TRPM3: variants seen among roughly 807,000 people sequenced by gnomAD.
TRPM3 encodes transient receptor potential cation channel subfamily M member 3.
Under a neutral mutation model 181.2 loss-of-function variants are expected in TRPM3, and 77 were observed. The ratio of observed to expected loss-of-function variants is 0.42; its 90% CI spans 0.35 to 0.51. The LOEUF is 0.51. Among genes scored for constraint, TRPM3 ranks in the 20% least tolerant of loss-of-function variants. The probability of loss-of-function intolerance (pLI) is 0.01; values close to 1 mark genes in which losing one functional copy is unlikely to be tolerated. For missense variants in TRPM3, 1,759 were observed against 2,196.7 expected (o/e 0.80, Z 3.98); for synonymous variants, 745 against 796.4 (o/e 0.94, Z 1.09).
chr9:71,209,161 C>T (rs1375771223), intron 1 of TRPM3, among the ~76,000 whole-genome samples: 1 of 152,046 alleles, frequency 6.6e-6, no homozygotes, highest in Non-Finnish European at 1.5e-5. Flanking sequence ...GCTAAAAGTG[C>T]TTGCTTTTTA....
At chr9:71,318,868 T>C (rs2088909715) in intron 1 of TRPM3, among the ~76,000 whole-genome samples, 2 of 152,078 alleles carry the variant, frequency 1.3e-5, no homozygotes, top group African/African-American at 4.8e-5. Context: ...TAACGAACAT[T>C]TGCATTGCCC....
chr9:70,981,320 A>G (rs2097361661), intron 1 of TRPM3, among the ~76,000 whole-genome samples: 1 of 152,252 alleles, frequency 6.6e-6, no homozygotes. Context: ...AGGCCTGCAG[A>G]AAATTTCCTA....
intron 1 of TRPM3, among the ~76,000 whole-genome samples, chr9:70,907,962 G>A (rs2096490127): frequency 6.6e-6 from 1 of 152,090 alleles, no homozygotes; most frequent in African/African-American, 2.4e-5. Context: ...CAACTGATGG[G>A]TACCTGGTTT....
intron 1 of TRPM3, among the ~76,000 whole-genome samples, chr9:71,412,751 T>C (rs570699428): frequency 3.3e-5 from 5 of 152,322 alleles, no homozygotes; most frequent in African/African-American, 1.2e-4. Flanking sequence ...TTACTGGGTA[T>C]ATACCCAAAG....
intron 1 of TRPM3, among the ~76,000 whole-genome samples, chr9:70,905,995 T>G (rs1268233471): frequency 6.6e-6 from 1 of 152,114 alleles, no homozygotes; most frequent in African/African-American, 2.4e-5. Context: ...GTGTTGAGAT[T>G]ACAGGTGGGA....
chr9:71,226,562 A>C (rs2080670490), intron 1 of TRPM3, among the ~76,000 whole-genome samples: 1 of 152,174 alleles, frequency 6.6e-6, no homozygotes, highest in Non-Finnish European at 1.5e-5. Context: ...CTCAAGTCAA[A>C]AACTATAAAA....
At chr9:70,919,128 T>A (rs144911302) in intron 1 of TRPM3, among the ~76,000 whole-genome samples, 325 of 152,234 alleles carry the variant, frequency 2.1e-3, no homozygotes, top group South Asian at 0.016. Context: ...AAAAGAATAC[T>A]TTTCCTAAAG....
rs1390993664 is a variant in TRPM3, at chr9:71,201,012, T to C, written c.183+245641A>G. The stretch of plus-strand genomic sequence containing the variant: ...GGCATGATTTTGCAGTGGCTGGTAC[T>C]GGTTGTTCCTTTCCATGTTTAGTGC... On this transcript the variant is annotated intron_variant, in intron 1 of 24. Transcript: ENST00000357533. Among the ~76,000 whole-genome samples the C allele has an allele frequency of 2.6e-5, 4 of 152,048 alleles. No homozygotes were observed. The South Asian group carries it at 8.3e-4, about 32-fold the overall frequency.
intron 1 of TRPM3, among the ~76,000 whole-genome samples, chr9:71,302,222 A>C (rs2086845446): frequency 6.6e-6 from 1 of 152,192 alleles, no homozygotes; most frequent in Non-Finnish European, 1.5e-5. Flanking sequence ...ACAGAATAAA[A>C]GTTATTGCAA....
intron 1 of TRPM3, among the ~76,000 whole-genome samples, chr9:71,333,472 C>G (rs2090353942): frequency 6.6e-6 from 1 of 152,008 alleles, no homozygotes; most frequent in African/African-American, 2.4e-5. Context: ...TTCTATGCAG[C>G]TAGCACACTA....
At chr9:70,920,201 C>A (rs578114453) in intron 1 of TRPM3, among the ~76,000 whole-genome samples, 7 of 152,226 alleles carry the variant, frequency 4.6e-5, no homozygotes, top group African/African-American at 1.4e-4. Context: ...TTCAGCAAAC[C>A]ATTTTTGGAA....
chr9:70,994,025 T>C (rs1564924049), intron 1 of TRPM3, among the ~76,000 whole-genome samples: 1 of 152,024 alleles, frequency 6.6e-6, no homozygotes. Flanking sequence ...AGTGAGAAAA[T>C]GACCAGTTAT....
intron 22 of TRPM3, among the ~76,000 whole-genome samples, chr9:70,582,610 T>C (rs1371000317): frequency 2.0e-5 from 3 of 152,308 alleles, no homozygotes; most frequent in Non-Finnish European, 2.9e-5. Flanking sequence ...GCTATTTAAA[T>C]TAAAATCTCA....
intron 1 of TRPM3, among the ~76,000 whole-genome samples, chr9:71,210,435 C>T (rs2079417979): frequency 6.6e-6 from 1 of 152,084 alleles, no homozygotes; most frequent in Non-Finnish European, 1.5e-5. Context: ...CCTCCCTGAC[C>T]CACTCCCTGG....
intron 1 of TRPM3, among the ~76,000 whole-genome samples, chr9:71,259,746 T>C (rs2082913579): frequency 6.6e-6 from 1 of 152,048 alleles, no homozygotes; most frequent in Non-Finnish European, 1.5e-5. Flanking sequence ...GGGTTGTTTG[T>C]TTTTTGTAAG....
Position 70,616,009 on chromosome 9 carries a change from G to A in TRPM3, c.2425C>T (p.Pro809Ser), listed in dbSNP as rs1345639548. 1 of 1,612,144 alleles carries A rather than the reference G, an allele frequency of 6.2e-7. No individual in the cohort carries two copies. Among genetic ancestry groups the A allele is most frequent in the Non-Finnish European group, 8.5e-7 (1 of 1,179,016 alleles). ...ATTTCCTGGGCCTGAGACATATAGG[G>A]CATGTCGTCTTTGTTCTTGAACTCC... is the stretch of plus-strand genomic sequence containing the variant. ...SLEFKNKDDM[P>S]YMSQAQEIHL... The change falls in exon 18 of 26, where the codon CCC becomes TCC. Residue 809 changes from proline to serine, a missense_variant. Transcript: ENST00000677713.
chr9:70,760,595 T>C (rs909222101), intron 8 of TRPM3: 1 of 151,870 alleles, frequency 6.6e-6, no homozygotes, highest in Non-Finnish European at 1.5e-5. Flanking sequence ...ACCTGGAAGC[T>C]GCTGAAAGGT....
intron 6 of TRPM3, among the ~76,000 whole-genome samples, chr9:70,818,575 T>C (rs2092901894): frequency 6.6e-6 from 1 of 152,134 alleles, no homozygotes; most frequent in Non-Finnish European, 1.5e-5. Flanking sequence ...CTGGAGTCCC[T>C]TAGCCTGAAA....
At chr9:71,167,234 A>T (rs1366992809) in intron 1 of TRPM3, among the ~76,000 whole-genome samples, 2 of 152,220 alleles carry the variant, frequency 1.3e-5, no homozygotes, top group Admixed American at 6.5e-5. Context: ...AAAAGCATGT[A>T]TTCATTTTAG....
Sources: gnomAD v4.1 joint callset for allele counts (sites outside exome capture counted in the v4.1 genomes callset) on GRCh38, gnomAD v4.1.1 for gene constraint, MANE v1.5 for transcripts, NCBI Gene and HGNC (gene_info 2026-07-23, HGNC 2026-07-21) for gene names.